SPIN1: variants seen among roughly 807,000 people sequenced by gnomAD.
SPIN1 encodes the protein spindlin 1, also known as spindlin-1.
A neutral mutation model predicts 26.0 loss-of-function variants in SPIN1; 3 were observed. The observed-to-expected ratio is 0.12, with a 90% confidence interval of 0.05 to 0.30. The LOEUF is 0.30. SPIN1 is among the 10% of genes least tolerant of loss of function. The probability of loss-of-function intolerance (pLI) is 1.00; values close to 1 mark genes in which losing one functional copy is unlikely to be tolerated. For synonymous variants in SPIN1, 101 were observed against 116.5 expected (o/e 0.87, Z 0.86); for missense variants, 126 against 333.4 (o/e 0.38, Z 4.84).
chr9:88,407,857 C>T (rs758115083), intron 1 of SPIN1, among the ~76,000 whole-genome samples: 20 of 151,370 alleles, frequency 1.3e-4, no homozygotes, highest in Admixed American at 2.6e-4. Flanking sequence ...ACCTCCCAGG[C>T]TCAAATGATC....
intron 1 of SPIN1, among the ~76,000 whole-genome samples, chr9:88,390,431 GGTGGTTT>G (rs1826894706): frequency 6.6e-6 from 1 of 152,178 alleles, no homozygotes; most frequent in African/African-American, 2.4e-5. Context: ...CAGAGGTTTA[GGTGGTTT>G]TCACTTCCAG....
At chr9:88,427,095 C>T (rs1827777646) in intron 2 of SPIN1, among the ~76,000 whole-genome samples, 1 of 152,020 alleles carries the variant, frequency 6.6e-6, no homozygotes, top group Non-Finnish European at 1.5e-5. Context: ...TTTTAGCGTG[C>T]CTGCCCCAAT....
intron 1 of SPIN1, chr9:88,410,962 A>C: frequency 7.9e-7 from 1 of 1,261,426 alleles, no homozygotes; most frequent in South Asian, 1.2e-5. Flanking sequence ...TCACAGTATG[A>C]TATTTCTGAA....
At chr9:88,462,888 C>T (rs1398329301) in intron 4 of SPIN1, 139 bp downstream of exon 4, 19 of 1,027,202 alleles carry the variant, frequency 1.8e-5, no homozygotes, top group East Asian at 2.7e-5. Context: ...ATTAAATCAC[C>T]GAAAACCACA....
intron 1 of SPIN1, among the ~76,000 whole-genome samples, chr9:88,403,126 GATT>G (rs978937059): frequency 4.5e-4 from 69 of 152,062 alleles, no homozygotes; most frequent in African/African-American, 1.5e-3. Flanking sequence ...TTTTTAGTGG[GATT>G]ATTATTATTA....
chr9:88,410,601 TTTGGCATAGTA>T (rs1827422728), intron 1 of SPIN1: 1 of 925,136 alleles, frequency 1.1e-6, no homozygotes, highest in African/African-American at 1.6e-5. Context: ...GGTTTCATGG[TTTGGCATAGTA>T]TTGGCCTCCA....
At chr9:88,422,693 A>G (rs1022829590) in intron 1 of SPIN1, among the ~76,000 whole-genome samples, 1 of 151,416 alleles carries the variant, frequency 6.6e-6, no homozygotes, top group East Asian at 1.9e-4. Flanking sequence ...ACATCTCAAC[A>G]TGAGGGAAGG....
intron 4 of SPIN1, among the ~76,000 whole-genome samples, chr9:88,465,937 T>C (rs1422271361): frequency 6.6e-6 from 1 of 152,234 alleles, no homozygotes; most frequent in African/African-American, 2.4e-5. Flanking sequence ...ACTTGTTCTT[T>C]TTAAAACCTA....
At chr9:88,410,948 C>G in intron 1 of SPIN1, 1 of 1,182,376 alleles carries the variant, frequency 8.5e-7, no homozygotes, top group South Asian at 1.2e-5. Flanking sequence ...ACAATTGTTG[C>G]CATTCACAGT....
At chr9:88,426,858 A>G (rs1827773610) in intron 2 of SPIN1, among the ~76,000 whole-genome samples, 1 of 152,094 alleles carries the variant, frequency 6.6e-6, no homozygotes, top group African/African-American at 2.4e-5. Flanking sequence ...ATAGGATTAT[A>G]GTAAAAGGAG....
In SPIN1 at chr9:88,426,551, A is replaced by G; in HGVS notation, c.12A>G (p.Pro4=). Residue 4 remains proline (P), a synonymous_variant, in exon 2 of 6, where the codon CCA becomes CCG. Transcript: ENST00000375859. The stretch of plus-strand genomic sequence containing the variant: ...TTAAATACAGATGAATGAAGACCCC[A>G]TTCGGAAAGACACCTGGCCAGCGGT... The part of the protein sequence containing the change: MKT[P]FGKTPGQRSR... The G allele has an allele frequency of 6.2e-7, 1 of 1,613,682 alleles. No homozygotes were observed. Among genetic ancestry groups the G allele is most frequent in the Non-Finnish European group, 8.5e-7 (1 of 1,179,710 alleles).
In SPIN1 at chr9:88,469,078, G is replaced by A. The variant is rs79748090; in HGVS notation, c.589+473G>A. On this transcript the variant is annotated intron_variant, in intron 5 of 5. Transcript: ENST00000375859. ...AGCGATCTTCAGCCTTTTTGTCACCGGGGACCAGTTTCATGGAAGACAGTT... is the reference window on the plus strand; with the variant it reads ...AGCGATCTTCAGCCTTTTTGTCACCAGGGACCAGTTTCATGGAAGACAGTT... Among the ~76,000 whole-genome samples the A allele has an allele frequency of 9.9e-4, 151 of 152,180 alleles. 3 individuals are homozygous for A. The East Asian group carries it at 0.024, about 24-fold the overall frequency.
intron 1 of SPIN1, among the ~76,000 whole-genome samples, chr9:88,411,968 G>A (rs917723147): frequency 6.6e-6 from 1 of 151,174 alleles, no homozygotes; most frequent in African/African-American, 2.4e-5. Context: ...TCAGGAGATC[G>A]AGACCATCCT....
intron 4 of SPIN1, among the ~76,000 whole-genome samples, chr9:88,462,966 A>C (rs558508741): frequency 2.6e-5 from 4 of 152,222 alleles, no homozygotes; most frequent in African/African-American, 7.2e-5. Flanking sequence ...CCCCCCAAGA[A>C]GTTTGCCACG....
In SPIN1 at chr9:88,449,041, G is replaced by A. The variant is rs114723139; in HGVS notation, c.101+52G>A. On this transcript the variant is annotated intron_variant, in intron 3 of 5. Transcript: ENST00000375859. ...ATAGTGTTTTGTGACCTTTTGTTACGCAGCATACAAGATCACCTAGGTAAG... is the reference window on the plus strand; with the variant it reads ...ATAGTGTTTTGTGACCTTTTGTTACACAGCATACAAGATCACCTAGGTAAG... 1,759 of 1,580,370 alleles carry A rather than the reference G, an allele frequency of 1.1e-3. 21 individuals are homozygous for A. The African/African-American group carries it at 0.021, about 19-fold the overall frequency.
In SPIN1 at chr9:88,426,461, C is replaced by G; in HGVS notation, c.-79C>G. The G allele has an allele frequency of 8.4e-7, 1 of 1,187,336 alleles. No homozygotes were observed. The highest frequency in any genetic ancestry group is 1.2e-6 in the Non-Finnish European group (1 of 809,540). The allele number at this position is 1,187,336 out of a possible 1,614,324, so 73.6% of individuals were successfully genotyped here. Reference sequence around the variant, plus strand: ...GTGGATTAACCAGAACACTAACATTCTGTGAAAAGTTTCAAATTGGAGAAT... The same window carrying G: ...GTGGATTAACCAGAACACTAACATTGTGTGAAAAGTTTCAAATTGGAGAAT... On this transcript the variant is annotated 5_prime_UTR_variant, in exon 2 of 6. Coordinates refer to ENST00000375859, the MANE Select transcript of SPIN1 (RefSeq NM_006717.3).
At chr9:88,419,212 A>C (rs1179066616) in intron 1 of SPIN1, among the ~76,000 whole-genome samples, 2 of 152,138 alleles carry the variant, frequency 1.3e-5, no homozygotes, top group Non-Finnish European at 2.9e-5. Context: ...ACCCTGGCTC[A>C]TTCTGATTAC....
intron 1 of SPIN1, among the ~76,000 whole-genome samples, chr9:88,389,886 A>T (rs1243037958): frequency 6.6e-6 from 1 of 152,126 alleles, no homozygotes; most frequent in East Asian, 1.9e-4. Context: ...AAATTTTGGA[A>T]AGGGCAGGTG....
intron 1 of SPIN1, among the ~76,000 whole-genome samples, chr9:88,418,110 G>A (rs1452387116): frequency 6.6e-6 from 1 of 152,098 alleles, no homozygotes; most frequent in African/African-American, 2.4e-5. Context: ...GATTGATTAT[G>A]TCGTTGCCCA....
Sources: gnomAD v4.1 joint callset for allele counts (sites outside exome capture counted in the v4.1 genomes callset) on GRCh38, gnomAD v4.1.1 for gene constraint, MANE v1.5 for transcripts, NCBI Gene and HGNC (gene_info 2026-07-23, HGNC 2026-07-21) for gene names.